The following KCNMA1 variants were observed in gnomAD, a reference collection of about 807,000 sequenced individuals.
The protein encoded by KCNMA1 is Calcium-activated potassium channel subunit alpha-1.
Under a neutral mutation model 140.0 loss-of-function variants are expected in KCNMA1, and 29 were observed. The ratio of observed to expected loss-of-function variants is 0.21; its 90% CI spans 0.15 to 0.28. KCNMA1 has a LOEUF of 0.28. Ranked by LOEUF, KCNMA1 falls within the 10% of genes least tolerant of loss-of-function variation. The probability of loss-of-function intolerance (pLI) is 1.00; values close to 1 mark genes in which losing one functional copy is unlikely to be tolerated. For synonymous variants in KCNMA1, 612 were observed against 611.9 expected (o/e 1.00, Z 0.00); for missense variants, 880 against 1,602.2 (o/e 0.55, Z 7.70).
In KCNMA1 at chr10:77,053,401, C is replaced by T. The variant is rs577860916; in HGVS notation, c.1750-13764G>A. Among the ~76,000 whole-genome samples, 5 of 152,308 alleles carry T rather than the reference C, an allele frequency of 3.3e-5. No individual in the cohort carries two copies. In the East Asian group the frequency reaches 9.7e-4, roughly 29 times the overall value. ...AAACCAGACAGATGCACCTAGTTCT[C>T]ACCTATCCATGCAGACAAAATCATC... On this transcript the variant is annotated intron_variant, in intron 14 of 27. Transcript: ENST00000286628.
intron 3 of KCNMA1, among the ~76,000 whole-genome samples, chr10:77,201,401 T>C (rs2042408590): frequency 6.6e-6 from 1 of 152,188 alleles, no homozygotes; most frequent in African/African-American, 2.4e-5. Context: ...AAGAACCCTC[T>C]ATACATGGAC....
At chr10:76,918,349 A>C (rs906928685) in intron 23 of KCNMA1, among the ~76,000 whole-genome samples, 7 of 152,230 alleles carry the variant, frequency 4.6e-5, no homozygotes, top group Non-Finnish European at 8.8e-5. Flanking sequence ...AAAAGACTGA[A>C]GTTTAAATCA....
Position 76,915,106 on chromosome 10 carries a change from T to C in KCNMA1, c.2903-57A>G, listed in dbSNP as rs1210213463. 1.6e-5 allele frequency: 20 copies of C among 1,257,112 alleles called. No homozygotes were observed. The Admixed American group carries it at 2.9e-4, about 18-fold the overall frequency. 77.9% of individuals were successfully genotyped at this position (1,257,112 alleles called of 1,614,324 possible). A position where few individuals can be genotyped will look rare whatever the true frequency, so the allele number is the denominator to read the frequency against. On this transcript the variant is annotated intron_variant, in intron 23 of 27. Transcript: ENST00000286628. Reference sequence around the variant, plus strand: ...ATCAGAGAAGTAGAAAATTTGGAAATAATCAGAGTACACTATATACATACA... The same window carrying C: ...ATCAGAGAAGTAGAAAATTTGGAAACAATCAGAGTACACTATATACATACA...
chr10:76,968,925 A>G (rs552293151), intron 20 of KCNMA1, among the ~76,000 whole-genome samples: 1 of 152,314 alleles, frequency 6.6e-6, no homozygotes, highest in South Asian at 2.1e-4. Flanking sequence ...TGGGGAGTGG[A>G]AATCACCACT....
At chr10:77,628,872 T>G (rs1212668992) in intron 1 of KCNMA1, among the ~76,000 whole-genome samples, 1 of 151,848 alleles carries the variant, frequency 6.6e-6, no homozygotes, top group Non-Finnish European at 1.5e-5. Context: ...GAAAAAAGGA[T>G]GTAAAAGAAA....
chr10:76,971,358 T>C (rs955669514), intron 19 of KCNMA1, among the ~76,000 whole-genome samples: 1 of 152,180 alleles, frequency 6.6e-6, no homozygotes, highest in African/African-American at 2.4e-5. Flanking sequence ...AAGACCCATA[T>C]TAGAGCATGC....
At chr10:77,538,343 G>A (rs568916207) in intron 1 of KCNMA1, among the ~76,000 whole-genome samples, 1 of 152,180 alleles carries the variant, frequency 6.6e-6, no homozygotes, top group South Asian at 2.1e-4. Context: ...CAAACTCTTG[G>A]CCAGCAGCAC....
At chr10:77,069,342 A>G (rs559355805) in intron 14 of KCNMA1, among the ~76,000 whole-genome samples, 1 of 152,304 alleles carries the variant, frequency 6.6e-6, no homozygotes, top group South Asian at 2.1e-4. Context: ...ATAAGATCCT[A>G]TTGCACAAAA....
chr10:77,011,484 A>G (rs944443759), intron 18 of KCNMA1, among the ~76,000 whole-genome samples: 2 of 152,170 alleles, frequency 1.3e-5, no homozygotes, highest in African/African-American at 4.8e-5. Flanking sequence ...ACAGTTGCCA[A>G]CTCTGGCCTG....
chr10:77,010,454 C>T (rs532161628), intron 18 of KCNMA1, among the ~76,000 whole-genome samples: 2 of 151,890 alleles, frequency 1.3e-5, no homozygotes, highest in South Asian at 2.1e-4. Context: ...TTGTCAGAAT[C>T]GGGGAATTCT....
intron 19 of KCNMA1, among the ~76,000 whole-genome samples, chr10:76,983,624 G>A (rs572233174): frequency 6.6e-6 from 1 of 151,994 alleles, no homozygotes; most frequent in South Asian, 2.1e-4. Context: ...CTACTTGGTA[G>A]GCTGAGGCAG....
chr10:77,279,809 A>G (rs2067859562), intron 2 of KCNMA1, among the ~76,000 whole-genome samples: 2 of 152,244 alleles, frequency 1.3e-5, no homozygotes, highest in South Asian at 4.2e-4. Flanking sequence ...TGATGGTTTT[A>G]TAAGGAGGGG....
At chr10:77,441,493 C>T (rs1023086381) in intron 1 of KCNMA1, among the ~76,000 whole-genome samples, 1 of 152,104 alleles carries the variant, frequency 6.6e-6, no homozygotes, top group African/African-American at 2.4e-5. Context: ...GGGTTCCATC[C>T]TAAGGACTTT....
intron 14 of KCNMA1, among the ~76,000 whole-genome samples, chr10:77,041,069 C>A (rs1159862514): frequency 6.6e-6 from 1 of 152,034 alleles, no homozygotes; most frequent in African/African-American, 2.4e-5. Context: ...GCAATCTCTG[C>A]CCCCTGGGTT....
At chr10:77,087,854 G>C (rs1375871045) in intron 10 of KCNMA1, among the ~76,000 whole-genome samples, 1 of 151,844 alleles carries the variant, frequency 6.6e-6, no homozygotes, top group East Asian at 1.9e-4. Context: ...AGTCCATAAT[G>C]ACAATAATAA....
At chr10:76,984,694 G>T (rs919972131) in intron 19 of KCNMA1, among the ~76,000 whole-genome samples, 9 of 149,512 alleles carry the variant, frequency 6.0e-5, no homozygotes, top group African/African-American at 2.0e-4. Context: ...GATAGCATAG[G>T]CAATCCAATC....
At chr10:76,913,899 G>A (rs985428298) in intron 24 of KCNMA1, 16 of 617,712 alleles carry the variant, frequency 2.6e-5, no homozygotes, top group African/African-American at 1.1e-4. Flanking sequence ...CAAGACAGTC[G>A]ATTCCAACCA....
chr10:77,301,278 T>A (rs1206895197), intron 2 of KCNMA1, among the ~76,000 whole-genome samples: 2 of 152,232 alleles, frequency 1.3e-5, no homozygotes, highest in Non-Finnish European at 2.9e-5. Context: ...TTCCCAGCCA[T>A]CTTAAGCTCA....
chr10:76,924,995 T>A (rs2057237810), intron 23 of KCNMA1, among the ~76,000 whole-genome samples: 1 of 152,048 alleles, frequency 6.6e-6, no homozygotes, highest in South Asian at 2.1e-4. Context: ...TTCCCCCTCT[T>A]CCCTCCCAAC....
Sources: allele counts gnomAD v4.1 joint callset (sites outside exome capture counted in the v4.1 genomes callset), GRCh38; gene constraint gnomAD v4.1.1; transcripts MANE v1.5; gene names NCBI Gene and HGNC (gene_info 2026-07-23, HGNC 2026-07-21).